AFG1L: variants seen among roughly 807,000 people sequenced by gnomAD.
AFG1L encodes the protein AFG1-like ATPase.
AFG1L carries 53 observed loss-of-function variants against 62.2 expected under a neutral mutation model. That is an observed-to-expected ratio of 0.85 (90% CI 0.68 to 1.07). The LOEUF is 1.07. AFG1L is among the 50% of genes least tolerant of loss of function. The pLI is 0.00. For missense variants in AFG1L, 555 were observed against 590.5 expected (o/e 0.94, Z 0.62); for synonymous variants, 228 against 210.3 (o/e 1.08, Z -0.73).
chr6:108,320,318 A>G (rs1407361704), intron 1 of AFG1L, among the ~76,000 whole-genome samples: 1 of 152,214 alleles, frequency 6.6e-6, no homozygotes, highest in Non-Finnish European at 1.5e-5. Flanking sequence ...CTGGATTAAA[A>G]GATTTTCTGA....
chr6:108,352,409 A>G (rs1779117247), intron 3 of AFG1L, among the ~76,000 whole-genome samples: 1 of 152,162 alleles, frequency 6.6e-6, no homozygotes, highest in Admixed American at 6.5e-5. Context: ...AAATTTGAGG[A>G]TGCTCAAGTC....
chr6:108,428,425 G>A (rs1770920943), intron 7 of AFG1L, among the ~76,000 whole-genome samples: 1 of 152,166 alleles, frequency 6.6e-6, no homozygotes. Context: ...GCATGGAGGT[G>A]TCTTTTTGAT....
At chr6:108,375,857 A>G (rs561864806) in intron 6 of AFG1L, among the ~76,000 whole-genome samples, 34 of 152,138 alleles carry the variant, frequency 2.2e-4, no homozygotes, top group African/African-American at 7.5e-4. Context: ...GTCTCTCCTC[A>G]GTTTTTTGAA....
chr6:108,468,976 T>C (rs1772783609), intron 8 of AFG1L, among the ~76,000 whole-genome samples: 1 of 152,160 alleles, frequency 6.6e-6, no homozygotes, highest in Non-Finnish European at 1.5e-5. Context: ...TCTGCTCTCT[T>C]ATTTTTTTCT....
intron 8 of AFG1L, among the ~76,000 whole-genome samples, chr6:108,462,345 T>C (rs1233675490): frequency 1.3e-5 from 2 of 149,940 alleles, no homozygotes; most frequent in Non-Finnish European, 3.0e-5. Flanking sequence ...TCGAGGATGT[T>C]GTGAGCCATG....
At chr6:108,335,396 T>G (rs1023304448) in intron 2 of AFG1L, among the ~76,000 whole-genome samples, 1 of 152,228 alleles carries the variant, frequency 6.6e-6, no homozygotes, top group African/African-American at 2.4e-5. Context: ...AAGCCATCAC[T>G]AAAGAGTCAT....
chr6:108,452,134 T>C (rs1772081443), intron 8 of AFG1L, among the ~76,000 whole-genome samples: 1 of 152,218 alleles, frequency 6.6e-6, no homozygotes, highest in African/African-American at 2.4e-5. Context: ...ACTTGGACAG[T>C]AATCTATTTT....
rs1411514218 is a variant in AFG1L at position 108,392,124 on chromosome 6, T to C, written c.749-9872T>C. On this transcript the variant is annotated intron_variant, in intron 6 of 12. Transcript: ENST00000368977. ...AAAATTGGAATGATACAGAGAAGAT[T>C]AGCATGGCTTCTGCACAAGGATAAG... The C allele has an allele frequency of 1.3e-5, 2 of 152,176 alleles. 1 individual carries two copies. The highest frequency in any genetic ancestry group is 3.8e-4 in the East Asian group (2 of 5,206). 9.4% of individuals were successfully genotyped at this position (152,176 alleles called of 1,614,324 possible).
intron 1 of AFG1L, among the ~76,000 whole-genome samples, chr6:108,318,705 T>C (rs1465073640): frequency 2.0e-5 from 3 of 152,202 alleles, no homozygotes; most frequent in Non-Finnish European, 4.4e-5. Context: ...AGGTACAAAA[T>C]TGAAGTATTC....
intron 11 of AFG1L, among the ~76,000 whole-genome samples, chr6:108,517,122 T>A (rs1774927338): frequency 6.6e-6 from 1 of 152,162 alleles, no homozygotes; most frequent in Admixed American, 6.5e-5. Context: ...AAGCTACCAA[T>A]GATTTTCTTC....
chr6:108,406,713 C>T (rs979388122), intron 7 of AFG1L, among the ~76,000 whole-genome samples: 14 of 152,216 alleles, frequency 9.2e-5, no homozygotes, highest in African/African-American at 3.4e-4. Context: ...GCTGAGATTA[C>T]AGGTGTGAGC....
intron 6 of AFG1L, among the ~76,000 whole-genome samples, chr6:108,399,673 CTT>C (rs1215452077): frequency 3.8e-4 from 32 of 84,848 alleles, no homozygotes; most frequent in African/African-American, 1.0e-3. Flanking sequence ...AATAGTTTTC[CTT>C]TTTTTTTTTT....
At chr6:108,414,067 C>A (rs1301399727) in intron 7 of AFG1L, among the ~76,000 whole-genome samples, 1 of 152,026 alleles carries the variant, frequency 6.6e-6, no homozygotes, top group Non-Finnish European at 1.5e-5. Flanking sequence ...CAAATAGACA[C>A]AATAAAAAAT....
chr6:108,295,784 C>CATGA (rs751001805), intron 1 of AFG1L: 5 of 152,254 alleles, frequency 3.3e-5, no homozygotes, highest in African/African-American at 7.2e-5. Context: ...GTTATATGTT[C>CATGA]ATGAATGAAT....
chr6:108,511,102 AAAG>A (rs1027400723), intron 11 of AFG1L, among the ~76,000 whole-genome samples: 21 of 150,808 alleles, frequency 1.4e-4, no homozygotes, highest in South Asian at 4.2e-4. Context: ...AAAAAAAAAA[AAAG>A]AAGAAGAAGA....
At chr6:108,388,258 C>A in intron 6 of AFG1L, among the ~76,000 whole-genome samples, 1 of 151,838 alleles carries the variant, frequency 6.6e-6, no homozygotes, top group Non-Finnish European at 1.5e-5. Flanking sequence ...CTATTTGATT[C>A]TTCTCTCTTT....
intron 6 of AFG1L, among the ~76,000 whole-genome samples, chr6:108,399,047 A>AT (rs1781436712): frequency 6.6e-6 from 1 of 152,054 alleles, no homozygotes; most frequent in Admixed American, 6.6e-5. Context: ...TAGTATGAGC[A>AT]TTTTAACAAT....
intron 10 of AFG1L, among the ~76,000 whole-genome samples, chr6:108,478,047 T>G (rs1773186309): frequency 6.6e-6 from 1 of 152,322 alleles, no homozygotes; most frequent in Admixed American, 6.5e-5. Flanking sequence ...GGTCTCTGAT[T>G]TATCTTGACT....
intron 5 of AFG1L, among the ~76,000 whole-genome samples, chr6:108,361,550 G>A (rs1485729982): frequency 2.6e-5 from 4 of 152,136 alleles, no homozygotes; most frequent in African/African-American, 7.2e-5. Context: ...AAGCCTGAAT[G>A]GTTCATTTAA....
Sources: allele counts gnomAD v4.1 joint callset (sites outside exome capture counted in the v4.1 genomes callset), GRCh38; gene constraint gnomAD v4.1.1; transcripts MANE v1.5; gene names NCBI Gene and HGNC (gene_info 2026-07-23, HGNC 2026-07-21).